The following SLC22A6 variants were observed in gnomAD, a reference collection of about 807,000 sequenced individuals.
SLC22A6 encodes the protein PAH transporter.
SLC22A6 carries 45 observed loss-of-function variants against 56.7 expected under a neutral mutation model. The ratio of observed to expected loss-of-function variants is 0.79; its 90% CI spans 0.63 to 1.02. SLC22A6 has a LOEUF of 1.02. Ranked by LOEUF, SLC22A6 falls within the 50% of genes least tolerant of loss-of-function variation. The pLI, the probability that SLC22A6 is intolerant of heterozygous loss-of-function variation, is 0.00. For synonymous variants in SLC22A6, 291 were observed against 295.9 expected (o/e 0.98, Z 0.17); for missense variants, 606 against 713.8 (o/e 0.85, Z 1.72).
At chr11:62,980,378 C>CA (rs2086239343) in intron 6 of SLC22A6, among the ~76,000 whole-genome samples, 1 of 152,156 alleles carries the variant, frequency 6.6e-6, no homozygotes, top group Admixed American at 6.5e-5. Flanking sequence ...GTCAAGAGCC[C>CA]AAAAAACGAA....
In SLC22A6 at chr11:62,983,105, C is replaced by T. The variant is rs562720182; in HGVS notation, c.628+432G>A. The stretch of plus-strand genomic sequence containing the variant: ...TATTGCCCAGGCTGGAGTGCAGTGG[C>T]GCAATCTCCGCTCACTGAAAGCTCC... On this transcript the variant is annotated intron_variant, in intron 3 of 9. Coordinates refer to ENST00000360421, the MANE Select transcript of SLC22A6 (RefSeq NM_153276.3). This position sits in a 1 kb window ranked among gnomAD's most constrained non-coding sequence, Gnocchi z 4.5. 5.1e-4 allele frequency among the ~76,000 whole-genome samples: 77 copies of T among 150,890 alleles called. No individual in the cohort carries two copies. The highest frequency in any genetic ancestry group is 1.7e-3 in the African/African-American group (71 of 41,030).
chr11:62,983,848 C>T lies in SLC22A6; in HGVS notation c.473+96G>A, dbSNP rs2086284636. 15 of 1,196,138 alleles carry T rather than the reference C, an allele frequency of 1.3e-5. No homozygotes were observed. The highest frequency in any genetic ancestry group is 1.5e-5 in the African/African-American group (1 of 65,094). 74.1% of individuals were successfully genotyped at this position (1,196,138 alleles called of 1,614,324 possible). A position where few individuals can be genotyped will look rare whatever the true frequency, so the allele number is the denominator to read the frequency against. On this transcript the variant is annotated intron_variant, in intron 2 of 9. Transcript: ENST00000360421. This position sits in a 1 kb window ranked among gnomAD's most constrained non-coding sequence, Gnocchi z 4.5. Reference sequence around the variant, plus strand: ...GTGCTGTAGATCCTCAAACCAGCGCCGGCTGGCAATGCCAAGCTCCCACCT... The same window carrying T: ...GTGCTGTAGATCCTCAAACCAGCGCTGGCTGGCAATGCCAAGCTCCCACCT...
rs2086274205 is a variant in SLC22A6 at position 62,983,164 on chromosome 11, C to A, written c.628+373G>T. 6.6e-6 allele frequency among the ~76,000 whole-genome samples: 1 copy of A among 152,128 alleles called. No individual in the cohort carries two copies. The highest frequency in any genetic ancestry group is 6.5e-5 in the Admixed American group (1 of 15,280). ...GGTTCACGCCATTCTCCTGCCTCAG[C>A]CTCCCGAGTAGCTGGGACTACAGGC... On this transcript the variant is annotated intron_variant, in intron 3 of 9. Coordinates refer to ENST00000360421, the MANE Select transcript of SLC22A6 (RefSeq NM_153276.3). The surrounding 1 kb of genome is among the most constrained non-coding windows in gnomAD (Gnocchi z 4.5).
rs11568613 is a variant in SLC22A6, at chr11:62,981,398, G to T, written c.798-15C>A. On this transcript the variant is annotated splice_polypyrimidine_tract_variant and intron_variant, in intron 4 of 9. Transcript: ENST00000360421. ...CAATGAAGAACCTGGGAGCGGGGGT[G>T]GGGGTGGGTGTCAGCATGGCTTCAG... 3 of 1,477,776 alleles carry T rather than the reference G, an allele frequency of 2.0e-6. No homozygotes were observed. Among genetic ancestry groups the T allele is most frequent in the South Asian group, 2.5e-5 (2 of 80,704 alleles). The allele number at this position is 1,477,776 out of a possible 1,614,324, so 91.5% of individuals were successfully genotyped here.
chr11:62,977,280 T>C lies in SLC22A6; in HGVS notation c.1469A>G (p.Tyr490Cys). The C allele has an allele frequency of 6.2e-7, 1 of 1,614,074 alleles. No homozygotes were observed. The highest frequency in any genetic ancestry group is 1.1e-5 in the South Asian group (1 of 91,080). The change falls in exon 9 of 10, where the codon TAC (tyrosine) becomes TGC (cysteine). Residue 490 changes from tyrosine to cysteine, a missense_variant. Transcript: ENST00000360421. ...ELYPSMPLFIYGAVPVAASAV... is the reference protein window; with the variant it reads ...ELYPSMPLFICGAVPVAASAV... ...GCTGGCGGCCACAGGAACAGCACCG[T>C]AGATGAAGAGAGGCATGGAGGGGTA...
intron 8 of SLC22A6, among the ~76,000 whole-genome samples, chr11:62,978,309 G>GTTTATTTTATTTTATTTTAT (rs57569773): frequency 0.062 from 8,247 of 133,246 alleles, 436 homozygotes; most frequent in Non-Finnish European, 0.093. Context: ...TCCCATTCTT[G>GTTTATTTTATTTTATTTTAT]TTTATTTTAT....
Position 62,984,442 on chromosome 11 carries a change from G to A in SLC22A6, c.249C>T (p.Ser83=), listed in dbSNP as rs766545627. The change falls in exon 1 of 10, where the codon TCC becomes TCT. Residue 83 remains serine, a synonymous_variant. Transcript: ENST00000360421. The part of the protein sequence containing the change: ...GQPESCLRFT[S]PQWGLPFLNG... ...TGAGAAAGGGCAGTCCCCACTGCGG[G>A]GAGGTGAAGCGGAGGCAGGACTCAG... 2 of 1,613,870 alleles carry A rather than the reference G, an allele frequency of 1.2e-6. No homozygotes were observed. Among genetic ancestry groups the A allele is most frequent in the African/African-American group, 2.7e-5 (2 of 74,932 alleles).
At chr11:62,976,950 C>T (rs565115281) in intron 9 of SLC22A6, 69 bp from the exon 10 acceptor site, 23 of 1,561,564 alleles carry the variant, frequency 1.5e-5, no homozygotes, top group African/African-American at 6.8e-5. Flanking sequence ...TATGGAGGCT[C>T]CCAGGGGGTC....
intron 6 of SLC22A6, 24 bp downstream of exon 6, chr11:62,980,957 CTCAG>C (rs758092173): frequency 6.4e-7 from 1 of 1,559,558 alleles, no homozygotes; most frequent in Non-Finnish European, 8.7e-7. Context: ...AGCCTTTTGT[CTCAG>C]TCTGTCTGTC....
Position 62,976,669 on chromosome 11 carries a change from T to C in SLC22A6, c.*125A>G, listed in dbSNP as rs923506163. The stretch of plus-strand genomic sequence containing the variant: ...AAAGGGAGGTGGACCCCTGGGAAGA[T>C]GCTTTCCTGAACCACAACCCCCACA... On this transcript the variant is annotated 3_prime_UTR_variant, in exon 10 of 10. Transcript: ENST00000360421. 2.7e-6 allele frequency: 2 copies of C among 732,016 alleles called. No individual in the cohort carries two copies. Among genetic ancestry groups the C allele is most frequent in the East Asian group, 2.7e-5 (1 of 36,588 alleles). 45.3% of individuals were successfully genotyped at this position (732,016 alleles called of 1,614,324 possible).
rs779866478 is a variant in SLC22A6 at position 62,983,538 on chromosome 11, C to T, written c.627G>A (p.Leu209=). ...LAGISLNCMT[L]NVEWMPIHTR... Reference sequence around the variant, plus strand: ...AGTGGGCTGGTAAGAATCTCTCACTCAGTGTCATGCAGTTGAGGGAGATGC... The same window carrying T: ...AGTGGGCTGGTAAGAATCTCTCACTTAGTGTCATGCAGTTGAGGGAGATGC... Residue 209 remains leucine, a splice_region_variant and synonymous_variant, in exon 3 of 10, where the codon CTG becomes CTA. Coordinates refer to ENST00000360421, the MANE Select transcript of SLC22A6 (RefSeq NM_153276.3). This position sits in a 1 kb window ranked among gnomAD's most constrained non-coding sequence, Gnocchi z 4.5. 1 of 1,557,732 alleles carries T rather than the reference C, an allele frequency of 6.4e-7. No homozygotes were observed. The highest frequency in any genetic ancestry group is 1.9e-5 in the Admixed American group (1 of 51,390).
chr11:62,979,882 G>A lies in SLC22A6; in HGVS notation c.1104C>T (p.Tyr368=). 10 of 1,614,142 alleles carry A rather than the reference G, an allele frequency of 6.2e-6. No homozygotes were observed. Among genetic ancestry groups the A allele is most frequent in the African/African-American group, 1.3e-5 (1 of 75,046 alleles). The change falls in exon 7 of 10, where the codon TAC becomes TAT. Residue 368 remains tyrosine (Y), a synonymous_variant. Coordinates refer to ENST00000360421, the MANE Select transcript of SLC22A6 (RefSeq NM_153276.3). ...CAGCACCAAAGATCACCTGGATTAG[G>A]TAGATGCTGACTCCAAAGCCCTGCA... ...MDLQGFGVSI[Y]LIQVIFGAVD...
chr11:62,981,197 TG>T, intron 5 of SLC22A6, 62 bp downstream of exon 5: 1 of 1,605,580 alleles, frequency 6.2e-7, no homozygotes, highest in African/African-American at 1.3e-5. Flanking sequence ...CCCTGGGTCC[TG>T]GGTTTGGGGT....
intron 4 of SLC22A6, 41 bp from the exon 5 acceptor site, chr11:62,981,424 T>C: frequency 9.8e-7 from 1 of 1,019,002 alleles, no homozygotes; most frequent in Non-Finnish European, 1.3e-6. Context: ...ATGGCTTCAG[T>C]TCCAGTCAGC....
chr11:62,976,939 A>T, intron 9 of SLC22A6, 58 bp from the exon 10 acceptor site: 1 of 1,587,926 alleles, frequency 6.3e-7, no homozygotes, highest in Non-Finnish European at 8.6e-7. Flanking sequence ...CAGGGCCGGG[A>T]TATGGAGGCT....
Position 62,983,735 on chromosome 11 carries a change from T to G in SLC22A6, c.474-44A>C. 1 of 1,568,752 alleles carries G rather than the reference T, an allele frequency of 6.4e-7. No individual in the cohort carries two copies. Among genetic ancestry groups the G allele is most frequent in the South Asian group, 1.2e-5 (1 of 84,572 alleles). ...CTTGTAGCAGGGCCCTGGAGACTGA[T>G]GGGGGTCAGGCTGAGCCAGGAGAGG... On this transcript the variant is annotated intron_variant, in intron 2 of 9. Transcript: ENST00000360421. The surrounding 1 kb of genome is among the most constrained non-coding windows in gnomAD (Gnocchi z 4.5).
chr11:62,978,677 C>T (rs528816081), intron 8 of SLC22A6, among the ~76,000 whole-genome samples: 7 of 151,008 alleles, frequency 4.6e-5, no homozygotes, highest in South Asian at 2.1e-4. Flanking sequence ...CTGCAAGCTC[C>T]GCCTCCCGGG....
At chr11:62,982,211 C>G (rs564978789) in intron 3 of SLC22A6, among the ~76,000 whole-genome samples, 27 of 152,142 alleles carry the variant, frequency 1.8e-4, no homozygotes, top group Admixed American at 1.6e-3. Context: ...TGGGAACTGC[C>G]CCCTCCACAC....
At chr11:62,980,635 G>A (rs2086242078) in intron 6 of SLC22A6, among the ~76,000 whole-genome samples, 1 of 152,220 alleles carries the variant, frequency 6.6e-6, no homozygotes, top group Non-Finnish European at 1.5e-5. Context: ...TTTCTGGCAG[G>A]CACCATCAGG....
Sources: gnomAD v4.1 joint callset for allele counts (sites outside exome capture counted in the v4.1 genomes callset) on GRCh38, gnomAD v4.1.1 for gene constraint, Gnocchi (gnomAD v3.1) non-coding constraint, MANE v1.5 for transcripts, NCBI Gene and HGNC (gene_info 2026-07-23, HGNC 2026-07-21) for gene names.